The following CARD8 variants were observed in gnomAD, a reference collection of about 807,000 sequenced individuals.
CARD8 encodes the protein caspase recruitment domain family member 8.
Under a neutral mutation model 53.2 loss-of-function variants are expected in CARD8, and 38 were observed. That is an observed-to-expected ratio of 0.71 (90% confidence interval 0.55 to 0.94). CARD8 has a LOEUF of 0.94. Ranked by LOEUF, CARD8 falls within the 40% of genes least tolerant of loss-of-function variation. The pLI, the probability that CARD8 is intolerant of heterozygous loss-of-function variation, is 0.00. For synonymous variants in CARD8, 245 were observed against 244.9 expected (o/e 1.00, Z 0.00); for missense variants, 561 against 655.5 (o/e 0.86, Z 1.57).
downstream of CARD8, chr19:48,206,568 C>T (rs537755894): frequency 2.4e-5 from 11 of 458,392 alleles, no homozygotes; most frequent in Non-Finnish European, 4.4e-5. Flanking sequence ...TGATTGGTCA[C>T]GGGCCAATCC....
At chr19:48,255,003 T>C (rs1195650871) in intron 1 of CARD8, among the ~76,000 whole-genome samples, 1 of 152,270 alleles carries the variant, frequency 6.6e-6, no homozygotes, top group Non-Finnish European at 1.5e-5. Context: ...TGTCTTCCTT[T>C]ATCTCCCTGA....
intron 1 of CARD8, among the ~76,000 whole-genome samples, chr19:48,251,571 G>A (rs1238275690): frequency 1.3e-5 from 2 of 152,102 alleles, no homozygotes; most frequent in Non-Finnish European, 2.9e-5. Flanking sequence ...GTCAAACTAG[G>A]CCATACATAC....
chr19:48,224,819 G>A lies in CARD8; in HGVS notation c.1036-2964C>T, dbSNP rs375817821. ...CGCCCAGGCTGGAGTGCAGTGGTGC[G>A]ATCTCGGCTCACTGAAGCTCCACCT... On this transcript the variant is annotated intron_variant, in intron 10 of 13. Transcript: ENST00000651546. 2.0e-4 allele frequency among the ~76,000 whole-genome samples: 29 copies of A among 148,002 alleles called. 1 individual carries two copies. In the East Asian group the frequency reaches 5.2e-3, roughly 27 times the overall value.
intron 12 of CARD8, among the ~76,000 whole-genome samples, chr19:48,217,996 C>T (rs534034523): frequency 4.6e-5 from 7 of 152,102 alleles, no homozygotes; most frequent in Non-Finnish European, 1.0e-4. Context: ...ACTAAATAGT[C>T]CTTATGTTTC....
chr19:48,234,646 AT>A, intron 5 of CARD8, 103 bp from the exon 6 acceptor site: 1 of 1,064,934 alleles, frequency 9.4e-7, no homozygotes, highest in Non-Finnish European at 1.3e-6. Context: ...TAGACTCAAT[AT>A]TTTATCTTAG....
At chr19:48,216,007 C>T (rs2039207444) in intron 12 of CARD8, among the ~76,000 whole-genome samples, 1 of 151,996 alleles carries the variant, frequency 6.6e-6, no homozygotes, top group East Asian at 1.9e-4. Flanking sequence ...AGCTTCCCAT[C>T]TCCTGTGAGG....
At position 48,211,122 on chromosome 19, in the gene CARD8, A is replaced by G. The variant is rs373159001; in HGVS notation, c.*588T>C. 1 of 152,294 alleles carries G rather than the reference A, an allele frequency of 6.6e-6. No homozygotes were observed. The highest frequency in any genetic ancestry group is 1.5e-5 in the Non-Finnish European group (1 of 68,112). 9.4% of individuals were successfully genotyped at this position (152,294 alleles called of 1,614,324 possible). ...ACCAGTGGGAAAATATTTTCTGCTC[A>G]TGTTTGCATTTTCTCCCATTTTTGT... On this transcript the variant is annotated 3_prime_UTR_variant, in exon 14 of 14. Transcript: ENST00000651546.
rs955045063 is a variant in CARD8 at position 48,211,137 on chromosome 19, C to T, written c.*573G>A. The stretch of plus-strand genomic sequence containing the variant: ...TTTTCTGCTCATGTTTGCATTTTCT[C>T]CCATTTTTGTGCTCTCTTTCAGCAA... On this transcript the variant is annotated 3_prime_UTR_variant, in exon 14 of 14. Transcript: ENST00000651546. The T allele has an allele frequency of 3.3e-5, 5 of 152,358 alleles. No homozygotes were observed. Among genetic ancestry groups the T allele is most frequent in the Non-Finnish European group, 5.9e-5 (4 of 68,104 alleles). The allele number at this position is 152,358 out of a possible 1,614,324, so 9.4% of individuals were successfully genotyped here. A position where few individuals can be genotyped will look rare whatever the true frequency, so the allele number is the denominator to read the frequency against.
intron 12 of CARD8, among the ~76,000 whole-genome samples, chr19:48,218,039 C>T (rs551760273): frequency 6.6e-6 from 1 of 152,152 alleles, no homozygotes; most frequent in South Asian, 2.1e-4. Context: ...TTCTTTACCC[C>T]CTAGGTTCGA....
chr19:48,223,640 C>T (rs1032482291), intron 10 of CARD8: 3 of 300,518 alleles, frequency 1.0e-5, no homozygotes, highest in Non-Finnish European at 2.0e-5. Flanking sequence ...CAGATTAGAA[C>T]TAAATCACCA....
intron 3 of CARD8, among the ~76,000 whole-genome samples, chr19:48,243,400 G>T (rs1273875230): frequency 1.3e-5 from 2 of 152,118 alleles, no homozygotes; most frequent in Admixed American, 6.5e-5. Context: ...ATAACTGAAT[G>T]TCTATTTATA....
intron 5 of CARD8, among the ~76,000 whole-genome samples, chr19:48,237,804 A>G (rs34943238): frequency 0.035 from 5,277 of 151,962 alleles, 118 homozygotes; most frequent in African/African-American, 0.062. Flanking sequence ...CTCAAAAAAA[A>G]AAGAAAAAAA....
In CARD8 at chr19:48,234,536, T is replaced by C; in HGVS notation, c.217A>G (p.Arg73Gly). The C allele has an allele frequency of 1.2e-6, 2 of 1,612,272 alleles. No homozygotes were observed. The highest frequency in any genetic ancestry group is 1.3e-5 in the African/African-American group (1 of 74,940). The change falls in exon 6 of 14, where the codon AGG becomes GGG. Residue 73 changes from arginine (R) to glycine (G), a missense_variant. By Grantham distance (125) the Arg-to-Gly change is moderately radical (BLOSUM62 -2). Coordinates refer to ENST00000651546, the MANE Select transcript of CARD8 (RefSeq NM_001184900.3). ...GTCTCAGAAACACAGGGTAGCTCCC[T>C]GTATACCCTGGAAAACAACAACAGA... ...EACVTNDTVY[R>G]ELPCVSETLC...
At chr19:48,247,135 C>A (rs896738846) in intron 3 of CARD8, among the ~76,000 whole-genome samples, 1 of 152,090 alleles carries the variant, frequency 6.6e-6, no homozygotes, top group Admixed American at 6.6e-5. Flanking sequence ...ACCAGCCTGG[C>A]CAACAAGGTG....
At chr19:48,224,664 C>T (rs2041366236) in intron 10 of CARD8, among the ~76,000 whole-genome samples, 2 of 151,886 alleles carry the variant, frequency 1.3e-5, no homozygotes, top group Non-Finnish European at 2.9e-5. Context: ...TTCCCTTATC[C>T]TACCCTGAAT....
chr19:48,228,857 G>A (rs1380567785), intron 10 of CARD8, among the ~76,000 whole-genome samples: 5 of 152,168 alleles, frequency 3.3e-5, no homozygotes, highest in Admixed American at 2.0e-4. Context: ...AGAGGGAGGC[G>A]GCCGGGCGCG....
chr19:48,218,745 C>T, intron 12 of CARD8, 126 bp downstream of exon 12: 1 of 1,060,916 alleles, frequency 9.4e-7, no homozygotes, highest in Non-Finnish European at 1.4e-6. Flanking sequence ...TGTGTTTTAA[C>T]ACTGACAATA....
intron 12 of CARD8, among the ~76,000 whole-genome samples, chr19:48,217,087 G>A (rs2039472986): frequency 6.6e-6 from 1 of 151,954 alleles, no homozygotes; most frequent in Admixed American, 6.6e-5. Flanking sequence ...GCGCTCCTAC[G>A]AGAATGTAAT....
At chr19:48,228,052 G>A (rs1205676323) in intron 10 of CARD8, among the ~76,000 whole-genome samples, 1 of 152,170 alleles carries the variant, frequency 6.6e-6, no homozygotes, top group African/African-American at 2.4e-5. Flanking sequence ...AGTGGCATCA[G>A]ATTCTCATAC....
Sources: allele counts gnomAD v4.1 joint callset (sites outside exome capture counted in the v4.1 genomes callset), GRCh38; gene constraint gnomAD v4.1.1; transcripts MANE v1.5; gene names NCBI Gene and HGNC (gene_info 2026-07-23, HGNC 2026-07-21).